The following KCNK2 variants were observed in gnomAD, a reference collection of about 807,000 sequenced individuals.
The protein encoded by KCNK2 is potassium channel subfamily K member 2.
KCNK2 carries 21 observed loss-of-function variants against 40.5 expected under a neutral mutation model. The observed-to-expected ratio is 0.52, with a 90% CI of 0.37 to 0.75. The LOEUF is 0.75. KCNK2 is among the 30% of genes least tolerant of loss of function. KCNK2 has a pLI of 0.00. For synonymous variants in KCNK2, 191 were observed against 202.2 expected (o/e 0.94, Z 0.47); for missense variants, 399 against 531.6 (o/e 0.75, Z 2.45).
chr1:215,063,442 T>C (rs1658426911), intron 1 of KCNK2, among the ~76,000 whole-genome samples: 1 of 152,198 alleles, frequency 6.6e-6, no homozygotes, highest in African/African-American at 2.4e-5. Flanking sequence ...AGGTCCATCT[T>C]GCTCACCTGT....
chr1:215,031,661 A>G (rs1209134782), intron 1 of KCNK2, among the ~76,000 whole-genome samples: 1 of 152,202 alleles, frequency 6.6e-6, no homozygotes, highest in Non-Finnish European at 1.5e-5. Flanking sequence ...CCAAAGATTG[A>G]AAATAAAGGA....
chr1:215,166,137 C>A (rs1663434445), intron 3 of KCNK2, among the ~76,000 whole-genome samples: 1 of 152,026 alleles, frequency 6.6e-6, no homozygotes, highest in African/African-American at 2.4e-5. Flanking sequence ...CCTCACATCA[C>A]CAAAAAGTTG....
intron 1 of KCNK2, among the ~76,000 whole-genome samples, chr1:215,017,050 G>A (rs2262937): frequency 0.56 from 85,167 of 151,870 alleles, 25,552 homozygotes; most frequent in South Asian, 0.78. Context: ...ATATCACCTC[G>A]CCCTATCAGA....
At chr1:215,012,718 T>A (rs906558704) in intron 1 of KCNK2, among the ~76,000 whole-genome samples, 1 of 151,804 alleles carries the variant, frequency 6.6e-6, no homozygotes, top group African/African-American at 2.4e-5. Flanking sequence ...ATTATTATTT[T>A]TTTTAACTGG....
At chr1:215,094,549 T>A (rs1392463830) in intron 2 of KCNK2, among the ~76,000 whole-genome samples, 1 of 152,138 alleles carries the variant, frequency 6.6e-6, no homozygotes, top group Non-Finnish European at 1.5e-5. Context: ...ACGTGCTACT[T>A]TCTTAGAGGA....
intron 1 of KCNK2, among the ~76,000 whole-genome samples, chr1:215,047,287 G>A (rs1338428591): frequency 6.6e-6 from 1 of 152,042 alleles, no homozygotes; most frequent in African/African-American, 2.4e-5. Context: ...ATTGTGCTAA[G>A]CATTTTGCAT....
intron 1 of KCNK2, among the ~76,000 whole-genome samples, chr1:215,049,405 A>G (rs1657901507): frequency 2.0e-5 from 3 of 152,094 alleles, no homozygotes. Flanking sequence ...CCACTGTCAG[A>G]TATATGGTTT....
At chr1:215,067,594 T>C (rs941169506) in intron 1 of KCNK2, among the ~76,000 whole-genome samples, 1 of 152,164 alleles carries the variant, frequency 6.6e-6, no homozygotes, top group Admixed American at 6.5e-5. Context: ...TCATCACACT[T>C]GTTGAATTTT....
intron 3 of KCNK2, among the ~76,000 whole-genome samples, chr1:215,137,037 G>A (rs1001910377): frequency 9.2e-5 from 14 of 152,006 alleles, no homozygotes; most frequent in Non-Finnish European, 1.3e-4. Context: ...TATTGAAGGG[G>A]ATTATGTTTC....
At chr1:215,163,847 C>T (rs185822170) in intron 3 of KCNK2, among the ~76,000 whole-genome samples, 2 of 152,144 alleles carry the variant, frequency 1.3e-5, no homozygotes, top group East Asian at 1.9e-4. Context: ...ATTTTTGCCT[C>T]GATGTTCATC....
intron 1 of KCNK2, among the ~76,000 whole-genome samples, chr1:215,016,631 G>T (rs1272641451): frequency 1.3e-5 from 2 of 152,090 alleles, no homozygotes; most frequent in Non-Finnish European, 2.9e-5. Context: ...TTAAACATAA[G>T]ATCTGAAGTT....
intron 6 of KCNK2, among the ~76,000 whole-genome samples, chr1:215,225,834 A>T (rs149479328): frequency 6.6e-6 from 1 of 152,168 alleles, no homozygotes; most frequent in African/African-American, 2.4e-5. Flanking sequence ...GTAGGAAGGA[A>T]GGTTGAACTT....
intron 2 of KCNK2, among the ~76,000 whole-genome samples, chr1:215,090,781 C>T (rs1395329774): frequency 6.6e-6 from 1 of 152,152 alleles, no homozygotes; most frequent in Non-Finnish European, 1.5e-5. Flanking sequence ...GGAAGATATT[C>T]TATCTGTTTT....
chr1:215,158,790 T>C (rs1369183500), intron 3 of KCNK2, among the ~76,000 whole-genome samples: 1 of 152,144 alleles, frequency 6.6e-6, no homozygotes, highest in African/African-American at 2.4e-5. Flanking sequence ...CCAGGCCACA[T>C]AGTTATTGAC....
intron 3 of KCNK2, among the ~76,000 whole-genome samples, chr1:215,158,980 T>C (rs1328113120): frequency 6.6e-6 from 1 of 152,086 alleles, no homozygotes; most frequent in African/African-American, 2.4e-5. Flanking sequence ...GTTCTATTCT[T>C]GGATCATGTA....
At chr1:215,041,816 G>A (rs189291358) in intron 1 of KCNK2, among the ~76,000 whole-genome samples, 119 of 152,236 alleles carry the variant, frequency 7.8e-4, no homozygotes, top group African/African-American at 2.7e-3. Context: ...AGACCATCAG[G>A]TTGGATACTG....
intron 6 of KCNK2, among the ~76,000 whole-genome samples, chr1:215,233,417 C>G (rs1339437233): frequency 6.6e-6 from 1 of 150,890 alleles, no homozygotes; most frequent in East Asian, 1.9e-4. Context: ...TCCTATCCAC[C>G]TTGGATATTT....
At chr1:215,049,492 T>C (rs1428781749) in intron 1 of KCNK2, among the ~76,000 whole-genome samples, 1 of 152,158 alleles carries the variant, frequency 6.6e-6, no homozygotes, top group Non-Finnish European at 1.5e-5. Context: ...AAGTTGATAA[T>C]TTTGATGAGG....
At chr1:215,096,617 T>C (rs554982262) in intron 2 of KCNK2, among the ~76,000 whole-genome samples, 12 of 152,102 alleles carry the variant, frequency 7.9e-5, no homozygotes, top group African/African-American at 2.9e-4. Context: ...GGGTGGATCA[T>C]AGGGAACCTC....
Sources: gnomAD v4.1 joint callset for allele counts (sites outside exome capture counted in the v4.1 genomes callset) on GRCh38, gnomAD v4.1.1 for gene constraint, MANE v1.5 for transcripts, NCBI Gene and HGNC (gene_info 2026-07-23, HGNC 2026-07-21) for gene names.